Variants in NRG3 observed in about 807,000 individuals in gnomAD.
NRG3 encodes the protein pro-neuregulin-3, membrane-bound isoform.
A neutral mutation model predicts 66.9 loss-of-function variants in NRG3; 31 were observed. The ratio of observed to expected loss-of-function variants is 0.46; its 90% CI spans 0.35 to 0.63. The LOEUF (loss-of-function observed/expected upper bound fraction) is 0.63. Ranked by LOEUF, NRG3 falls within the 20% of genes least tolerant of loss-of-function variation. The pLI is 0.00. For missense variants in NRG3, 910 were observed against 878.9 expected, an observed-to-expected ratio of 1.04 and a Z score of -0.45; for synonymous variants, 393 against 359.4, an observed-to-expected ratio of 1.09 and a Z score of -1.06.
chr10:82,102,133 CATATAT>C lies in NRG3; in HGVS notation c.823+225999_823+226004del, dbSNP rs369498870. Reference sequence around the variant, plus strand: ...GTATTCATATATATATATGTGTATTCATATATATATATATATATATATATATATATA... The same window carrying C: ...GTATTCATATATATATATGTGTATTCATATATATATATATATATATATATA... On this transcript the variant is annotated intron_variant, in intron 1 of 8. Transcript: ENST00000372141. 1.4e-3 allele frequency among the ~76,000 whole-genome samples: 37 copies of C among 26,290 alleles called. 3 individuals are homozygous for C. The East Asian group carries it at 0.015, about 11-fold the overall frequency. The allele number at this position is 26,290 out of a possible 152,430, so 17.2% of individuals were successfully genotyped here.
intron 3 of NRG3, among the ~76,000 whole-genome samples, chr10:82,764,170 G>A (rs1048025881): frequency 6.6e-6 from 1 of 151,996 alleles, no homozygotes; most frequent in Non-Finnish European, 1.5e-5. Flanking sequence ...GAGCACCTGG[G>A]AATACAGGCA....
chr10:82,921,468 T>G (rs1411390018), intron 4 of NRG3, among the ~76,000 whole-genome samples: 1 of 152,174 alleles, frequency 6.6e-6, no homozygotes, highest in Non-Finnish European at 1.5e-5. Context: ...TGCTTCAGTG[T>G]TGATTCATTC....
chr10:81,901,374 A>C (rs770826500), intron 1 of NRG3, among the ~76,000 whole-genome samples: 1 of 152,354 alleles, frequency 6.6e-6, no homozygotes, highest in South Asian at 2.1e-4. Flanking sequence ...TTGTATTACT[A>C]AAATACATAG....
chr10:82,601,189 C>CA (rs1168239186), intron 2 of NRG3, among the ~76,000 whole-genome samples: 1 of 152,150 alleles, frequency 6.6e-6, no homozygotes, highest in Non-Finnish European at 1.5e-5. Context: ...TCATTCAACC[C>CA]ACCATTGATG....
chr10:82,504,581 G>C (rs982708896), intron 2 of NRG3, among the ~76,000 whole-genome samples: 1 of 152,174 alleles, frequency 6.6e-6, no homozygotes, highest in East Asian at 1.9e-4. Flanking sequence ...ACAGAGATAG[G>C]TTAATTTATA....
chr10:82,898,277 C>G (rs1843854889), intron 4 of NRG3, among the ~76,000 whole-genome samples: 1 of 152,174 alleles, frequency 6.6e-6, no homozygotes, highest in Admixed American at 6.5e-5. Context: ...ACTCCCAAAC[C>G]CCCTCACAGT....
chr10:82,221,009 C>T (rs765781477), intron 1 of NRG3, among the ~76,000 whole-genome samples: 24 of 152,028 alleles, frequency 1.6e-4, no homozygotes, highest in Non-Finnish European at 3.1e-4. Flanking sequence ...AACAGTTGTT[C>T]AGGATCATTA....
intron 1 of NRG3, among the ~76,000 whole-genome samples, chr10:82,333,275 T>C (rs1310590053): frequency 6.6e-6 from 1 of 152,124 alleles, no homozygotes; most frequent in Non-Finnish European, 1.5e-5. Flanking sequence ...ACCCACAAAA[T>C]AGCCGCCACA....
chr10:82,215,437 C>T (rs373213929), intron 1 of NRG3, among the ~76,000 whole-genome samples: 14 of 152,252 alleles, frequency 9.2e-5, no homozygotes, highest in African/African-American at 3.1e-4. Context: ...TGATCATCTC[C>T]AATTAGAAAT....
chr10:82,574,112 A>G (rs575575908), intron 2 of NRG3, among the ~76,000 whole-genome samples: 3 of 151,960 alleles, frequency 2.0e-5, no homozygotes, highest in Admixed American at 1.3e-4. Context: ...TATTCACAAC[A>G]GCCAAGATAT....
intron 2 of NRG3, among the ~76,000 whole-genome samples, chr10:82,591,750 T>A (rs2046996278): frequency 6.6e-6 from 1 of 152,230 alleles, no homozygotes; most frequent in Non-Finnish European, 1.5e-5. Flanking sequence ...ATTGACTCTG[T>A]CTACTATTCC....
chr10:82,311,709 T>C (rs1589681022), intron 1 of NRG3, among the ~76,000 whole-genome samples: 1 of 152,130 alleles, frequency 6.6e-6, no homozygotes, highest in East Asian at 1.9e-4. Context: ...CATTAACTCA[T>C]TTAATACTCA....
At chr10:82,248,408 C>T (rs2077342049) in intron 1 of NRG3, among the ~76,000 whole-genome samples, 1 of 152,048 alleles carries the variant, frequency 6.6e-6, no homozygotes, top group Non-Finnish European at 1.5e-5. Flanking sequence ...CATTTCTCAC[C>T]AAGATGTTGA....
intron 3 of NRG3, among the ~76,000 whole-genome samples, chr10:82,798,793 G>T (rs1210855057): frequency 1.3e-5 from 2 of 152,144 alleles, no homozygotes; most frequent in African/African-American, 4.8e-5. Flanking sequence ...CAGATTTTTT[G>T]TGTGTGGAAT....
intron 2 of NRG3, among the ~76,000 whole-genome samples, chr10:82,582,850 G>A (rs534547923): frequency 2.1e-4 from 32 of 152,258 alleles, no homozygotes; most frequent in Non-Finnish European, 3.1e-4. Flanking sequence ...AAAGTGGAAA[G>A]AAGCTCCCTT....
intron 1 of NRG3, among the ~76,000 whole-genome samples, chr10:82,216,400 T>A (rs77521584): frequency 6.6e-6 from 1 of 151,716 alleles, no homozygotes; most frequent in African/African-American, 2.4e-5. Flanking sequence ...TGGAGTATAC[T>A]CTGAAATCTC....
At chr10:81,934,795 C>A (rs1158846831) in intron 1 of NRG3, among the ~76,000 whole-genome samples, 1 of 152,100 alleles carries the variant, frequency 6.6e-6, no homozygotes, top group Non-Finnish European at 1.5e-5. Flanking sequence ...ATTGACAAAT[C>A]ATGCTCTATT....
chr10:81,965,495 T>C (rs1470764690), intron 1 of NRG3, among the ~76,000 whole-genome samples: 1 of 152,202 alleles, frequency 6.6e-6, no homozygotes, highest in African/African-American at 2.4e-5. Flanking sequence ...TTTGGGACTT[T>C]GATAGGCACA....
intron 4 of NRG3, among the ~76,000 whole-genome samples, chr10:82,940,554 A>T (rs548197789): frequency 1.3e-5 from 2 of 152,286 alleles, no homozygotes; most frequent in East Asian, 3.9e-4. Flanking sequence ...ACCCTTTCTT[A>T]GTCCATCTGG....
Sources: allele counts gnomAD v4.1 joint callset (sites outside exome capture counted in the v4.1 genomes callset), GRCh38; gene constraint gnomAD v4.1.1; transcripts MANE v1.5; gene names NCBI Gene and HGNC (gene_info 2026-07-23, HGNC 2026-07-21).